SPPL2A: variants seen among roughly 807,000 people sequenced by gnomAD.
SPPL2A encodes signal peptide peptidase-like 2A.
In SPPL2A, 51 loss-of-function variants were observed where a neutral mutation model predicts 63.8. That is an observed-to-expected ratio of 0.80 (90% CI 0.64 to 1.01). The LOEUF (loss-of-function observed/expected upper bound fraction) is 1.01, where lower values mean the gene tolerates loss of function less well. SPPL2A is among the 50% of genes least tolerant of loss of function. The probability of loss-of-function intolerance (pLI) is 0.00; values close to 1 mark genes in which losing one functional copy is unlikely to be tolerated. For missense variants in SPPL2A, 553 were observed against 622.7 expected (o/e 0.89, Z 1.19); for synonymous variants, 188 against 205.8 (o/e 0.91, Z 0.74).
intron 7 of SPPL2A, among the ~76,000 whole-genome samples, chr15:50,736,404 T>C (rs1463088800): frequency 6.6e-6 from 1 of 152,232 alleles, no homozygotes; most frequent in Non-Finnish European, 1.5e-5. Context: ...TAATGTACTA[T>C]ATCTGTGCTG....
intron 1 of SPPL2A, among the ~76,000 whole-genome samples, chr15:50,758,331 A>T (rs796425755): frequency 6.6e-6 from 1 of 150,982 alleles, no homozygotes; most frequent in South Asian, 2.1e-4. Context: ...ATATATCTTA[A>T]TGTTGCCTAT....
In SPPL2A at chr15:50,707,462, T is replaced by G. The variant is rs528522638; in HGVS notation, c.*338A>C. The G allele has an allele frequency of 7.3e-4, 136 of 186,114 alleles. 2 individuals carry two copies. Among genetic ancestry groups the G allele is most frequent in the Non-Finnish European group, 5.6e-5 (5 of 89,944 alleles). The allele number at this position is 186,114 out of a possible 1,614,324, so 11.5% of individuals were successfully genotyped here. A position where few individuals can be genotyped will look rare whatever the true frequency, so the allele number is the denominator to read the frequency against. Reference sequence around the variant, plus strand: ...GTAAAACCCATTCAGAAATAGTAACTACTTGTATCTACCATCAGAGCTGAA... The same window carrying G: ...GTAAAACCCATTCAGAAATAGTAACGACTTGTATCTACCATCAGAGCTGAA... On this transcript the variant is annotated 3_prime_UTR_variant, in exon 15 of 15. Transcript: ENST00000261854.
At chr15:50,714,422 A>T (rs763094840) in intron 14 of SPPL2A, among the ~76,000 whole-genome samples, 11 of 149,526 alleles carry the variant, frequency 7.4e-5, no homozygotes, top group Non-Finnish European at 1.3e-4. Context: ...ATCGAGGGTC[A>T]GGAGTTTGAG....
At chr15:50,751,924 G>A (rs761627518) in intron 1 of SPPL2A, among the ~76,000 whole-genome samples, 12 of 152,046 alleles carry the variant, frequency 7.9e-5, no homozygotes, top group South Asian at 2.1e-4. Flanking sequence ...CTCCGCCTCC[G>A]GGGTCAAGCA....
In SPPL2A at chr15:50,702,931, A is replaced by G. The variant is rs1012794291; in HGVS notation, c.*4869T>C. The G allele has an allele frequency of 1.3e-5, 2 of 152,168 alleles. No homozygotes were observed. The highest frequency in any genetic ancestry group is 2.9e-5 in the Non-Finnish European group (2 of 68,030). The allele number at this position is 152,168 out of a possible 1,614,324, so 9.4% of individuals were successfully genotyped here. The stretch of plus-strand genomic sequence containing the variant: ...TTTTTTTCACTCTGAAAATTCAGTA[A>G]TCTAGCATATGAGTATTACAGTAGA... On this transcript the variant is annotated 3_prime_UTR_variant, in exon 15 of 15. Transcript: ENST00000261854.
intron 8 of SPPL2A, among the ~76,000 whole-genome samples, chr15:50,733,614 T>C (rs916504966): frequency 1.1e-4 from 16 of 152,206 alleles, no homozygotes; most frequent in Admixed American, 8.5e-4. Context: ...GGCAAAGATT[T>C]CTTGAGTAAG....
At chr15:50,730,013 T>G (rs1254780370) in intron 10 of SPPL2A, among the ~76,000 whole-genome samples, 2 of 115,438 alleles carry the variant, frequency 1.7e-5, no homozygotes, top group Non-Finnish European at 2.0e-5. Flanking sequence ...AAAGAAGGAA[T>G]GATAAATAAA....
chr15:50,725,971 AT>A (rs1388551708), intron 11 of SPPL2A: 193 of 652,548 alleles, frequency 3.0e-4, no homozygotes, highest in Non-Finnish European at 3.3e-4. Context: ...AACAGGCCTA[AT>A]TTTTTTTGGC....
In SPPL2A at chr15:50,765,684, G is replaced by C. The variant is rs1196075851; in HGVS notation, c.-151C>G. The C allele has an allele frequency of 4.7e-6, 2 of 429,740 alleles. No individual in the cohort carries two copies. Among genetic ancestry groups the C allele is most frequent in the Non-Finnish European group, 7.9e-6 (2 of 252,194 alleles). 26.6% of individuals were successfully genotyped at this position (429,740 alleles called of 1,614,324 possible). On this transcript the variant is annotated 5_prime_UTR_variant, in exon 1 of 15. Coordinates refer to ENST00000261854, the MANE Select transcript of SPPL2A (RefSeq NM_032802.4). ...CTACGACTGGACCGCCGCTGCTACA[G>C]CGGCCGCCACAGCAGCGCGACTTCC...
Position 50,759,510 on chromosome 15 carries a change from G to A in SPPL2A, c.66+5958C>T, listed in dbSNP as rs368931557. Among the ~76,000 whole-genome samples, 24 of 152,222 alleles carry A rather than the reference G, an allele frequency of 1.6e-4. No individual in the cohort carries two copies. In the East Asian group the frequency reaches 3.9e-3, roughly 25 times the overall value. On this transcript the variant is annotated intron_variant, in intron 1 of 14. Transcript: ENST00000261854. ...TGTAATCCCAACATTTTGGGAGGCC[G>A]AGGCAGGTGGATCACAAGGTCAGGA...
intron 2 of SPPL2A, among the ~76,000 whole-genome samples, 195 bp downstream of exon 2, chr15:50,749,441 C>A (rs1388793769): frequency 6.6e-6 from 1 of 152,152 alleles, no homozygotes; most frequent in Admixed American, 6.5e-5. Flanking sequence ...GCGCCTGCCA[C>A]CACACCCAGC....
chr15:50,737,410 G>C (rs904663260), intron 6 of SPPL2A, among the ~76,000 whole-genome samples: 1 of 152,048 alleles, frequency 6.6e-6, no homozygotes, highest in African/African-American at 2.4e-5. Flanking sequence ...TATCATTTTA[G>C]TACTCGCTCT....
At position 50,719,925 on chromosome 15, in the gene SPPL2A, A is replaced by C; in HGVS notation, c.1488+15T>G. ...AGCCATAAGATAACTTGGTAACCAAAGTATAAGCACATACCTGATAGCTGT... is the reference window on the plus strand; with the variant it reads ...AGCCATAAGATAACTTGGTAACCAACGTATAAGCACATACCTGATAGCTGT... On this transcript the variant is annotated intron_variant, in intron 14 of 14. Coordinates refer to ENST00000261854, the MANE Select transcript of SPPL2A (RefSeq NM_032802.4). 6.3e-7 allele frequency: 1 copy of C among 1,590,358 alleles called. No homozygotes were observed. The highest frequency in any genetic ancestry group is 8.5e-7 in the Non-Finnish European group (1 of 1,170,076).
In SPPL2A at chr15:50,732,528, T is replaced by C. The variant is rs565221521; in HGVS notation, c.1014+75A>G. The C allele has an allele frequency of 1.2e-5, 10 of 857,530 alleles. No individual in the cohort carries two copies. The African/African-American group carries it at 1.6e-4, about 13-fold the overall frequency. The allele number at this position is 857,530 out of a possible 1,614,324, so 53.1% of individuals were successfully genotyped here. A position where few individuals can be genotyped will look rare whatever the true frequency, so the allele number is the denominator to read the frequency against. On this transcript the variant is annotated intron_variant, in intron 9 of 14. Coordinates refer to ENST00000261854, the MANE Select transcript of SPPL2A (RefSeq NM_032802.4). ...CGCCAAAAATTGGCGCATTTAATTG[T>C]AGGTAAATTATGCCTTAATAAAGTT... is the stretch of plus-strand genomic sequence containing the variant.
intron 7 of SPPL2A, 107 bp from the exon 8 acceptor site, chr15:50,736,309 A>G: frequency 1.5e-6 from 1 of 688,554 alleles, no homozygotes. Context: ...CTGAAATATC[A>G]ATTTTGAAAG....
intron 1 of SPPL2A, among the ~76,000 whole-genome samples, chr15:50,755,102 G>A (rs968379406): frequency 1.3e-5 from 2 of 151,556 alleles, no homozygotes; most frequent in East Asian, 3.9e-4. Flanking sequence ...GGAGGATCAC[G>A]AGGTCAGGAG....
chr15:50,731,799 G>A (rs2062733380), intron 9 of SPPL2A, among the ~76,000 whole-genome samples: 1 of 150,608 alleles, frequency 6.6e-6, no homozygotes, highest in Non-Finnish European at 1.5e-5. Context: ...TTGGTGGTAG[G>A]TGCCTGTAAT....
chr15:50,705,340 C>CAAAAAAA lies in SPPL2A; in HGVS notation c.*2453_*2459dup. ...GGGTGACAGAGGGAGACTCCATTTC[C>CAAAAAAA]AAAAAAAAAAAAAAGAAATTAATTA... is the stretch of plus-strand genomic sequence containing the variant. On this transcript the variant is annotated 3_prime_UTR_variant, in exon 15 of 15. Transcript: ENST00000261854. 1 of 129,304 alleles carries CAAAAAAA rather than the reference C, an allele frequency of 7.7e-6. No homozygotes were observed. 8.0% of individuals were successfully genotyped at this position (129,304 alleles called of 1,614,324 possible). A position where few individuals can be genotyped will look rare whatever the true frequency, so the allele number is the denominator to read the frequency against.
intron 8 of SPPL2A, among the ~76,000 whole-genome samples, chr15:50,735,125 G>C (rs576041911): frequency 6.6e-6 from 1 of 151,292 alleles, no homozygotes; most frequent in South Asian, 2.1e-4. Flanking sequence ...GGGTGGTCTC[G>C]AACTCCTGAC....
Sources: gnomAD v4.1 joint callset for allele counts (sites outside exome capture counted in the v4.1 genomes callset) on GRCh38, gnomAD v4.1.1 for gene constraint, MANE v1.5 for transcripts, NCBI Gene and HGNC (gene_info 2026-07-23, HGNC 2026-07-21) for gene names.